Variants in PROS1 observed in about 807,000 individuals in gnomAD.
The protein encoded by PROS1 is protein S, also known as vitamin K-dependent protein S.
Under a neutral mutation model 75.9 loss-of-function variants are expected in PROS1, and 29 were observed. The observed-to-expected ratio is 0.38, with a 90% CI of 0.28 to 0.52. PROS1 has a LOEUF of 0.52. PROS1 is among the 20% of genes least tolerant of loss of function. The probability of loss-of-function intolerance (pLI) is 0.83; values close to 1 mark genes in which losing one functional copy is unlikely to be tolerated. For synonymous variants in PROS1, 245 were observed against 280.6 expected, an observed-to-expected ratio of 0.87 and a Z score of 1.27; for missense variants, 680 against 810.3, an observed-to-expected ratio of 0.84 and a Z score of 1.95.
In PROS1 at chr3:93,935,172, T is replaced by C. The variant is rs1240877622; in HGVS notation, c.77-7765A>G. Among the ~76,000 whole-genome samples, 3 of 152,302 alleles carry C rather than the reference T, an allele frequency of 2.0e-5. No individual in the cohort carries two copies. The East Asian group carries it at 5.8e-4, about 29-fold the overall frequency. ...TGCTTCATTGAAGGGATTCAAGAGC[T>C]CAGATGTTGGCAAGGATAAAGAAGG... is the stretch of plus-strand genomic sequence containing the variant. On this transcript the variant is annotated intron_variant, in intron 1 of 14. Transcript: ENST00000394236.
chr3:93,967,014 G>A (rs958014305), intron 1 of PROS1, among the ~76,000 whole-genome samples: 30 of 152,122 alleles, frequency 2.0e-4, no homozygotes, highest in African/African-American at 7.0e-4. Context: ...ATGGCTTTCG[G>A]GTTGCCCCCA....
chr3:93,971,929 T>G (rs1212858877), intron 1 of PROS1, among the ~76,000 whole-genome samples: 2 of 152,212 alleles, frequency 1.3e-5, no homozygotes, highest in Non-Finnish European at 1.5e-5. Context: ...TCAAAAACTT[T>G]TAACTGAAAG....
chr3:93,884,076 G>A (rs1708311451), intron 12 of PROS1, among the ~76,000 whole-genome samples: 1 of 152,166 alleles, frequency 6.6e-6, no homozygotes, highest in African/African-American at 2.4e-5. Context: ...TAAGAGCCTA[G>A]CAAAAGAAAT....
chr3:93,918,110 C>T (rs973803916), intron 3 of PROS1, among the ~76,000 whole-genome samples: 4 of 151,800 alleles, frequency 2.6e-5, no homozygotes, highest in Non-Finnish European at 5.9e-5. Context: ...CGCACCAATC[C>T]GCACTCTGTA....
At chr3:93,955,861 G>A (rs1297164521) in intron 1 of PROS1, among the ~76,000 whole-genome samples, 2 of 152,086 alleles carry the variant, frequency 1.3e-5, no homozygotes, top group Admixed American at 6.6e-5. Context: ...TTTTAAGTTG[G>A]CTATATCTAC....
chr3:93,909,174 A>C (rs1003485089), intron 4 of PROS1, among the ~76,000 whole-genome samples: 5 of 152,182 alleles, frequency 3.3e-5, no homozygotes, highest in African/African-American at 4.8e-5. Context: ...ATGGTGTTTC[A>C]TGCCTGTAAT....
At chr3:93,969,749 C>CTCCT (rs1709846676) in intron 1 of PROS1, among the ~76,000 whole-genome samples, 1 of 152,160 alleles carries the variant, frequency 6.6e-6, no homozygotes, top group African/African-American at 2.4e-5. Context: ...TATTTAACTG[C>CTCCT]TCCTTCCTTC....
chr3:93,875,130 G>A (rs1401605867), intron 14 of PROS1, among the ~76,000 whole-genome samples: 3 of 151,920 alleles, frequency 2.0e-5, no homozygotes, highest in African/African-American at 4.8e-5. Flanking sequence ...TACTATGACT[G>A]TGAGCTCATA....
chr3:93,907,085 C>G (rs1708687572), intron 4 of PROS1, among the ~76,000 whole-genome samples: 1 of 152,222 alleles, frequency 6.6e-6, no homozygotes, highest in Admixed American at 6.5e-5. Flanking sequence ...GTCCCACCTT[C>G]AGGCTGGGGA....
chr3:93,892,531 G>C (rs1708445527), intron 10 of PROS1, among the ~76,000 whole-genome samples: 2 of 149,968 alleles, frequency 1.3e-5, no homozygotes, highest in South Asian at 4.2e-4. Context: ...GGCCAAAACA[G>C]GAGAATCACT....
At chr3:93,878,918 C>G (rs1708231347) in intron 13 of PROS1, among the ~76,000 whole-genome samples, 1 of 152,070 alleles carries the variant, frequency 6.6e-6, no homozygotes, top group Non-Finnish European at 1.5e-5. Flanking sequence ...GGTATAGATG[C>G]AGTAGGTTTT....
rs1317591457 is a variant in PROS1, at chr3:93,892,951, A to T, written c.1137T>A (p.Asn379Lys). Residue 379 changes from asparagine to lysine, a missense_variant, in exon 10 of 15, where the codon AAT becomes AAA. Coordinates refer to ENST00000394236, the MANE Select transcript of PROS1 (RefSeq NM_000313.4). ...SKITTGGDVI[N>K]NGLWNMVSVE... ...AACGTACCATATTCCATAGACCATT[A>T]TTAATAACATCACCTCCAGTTGTGA... 6.2e-7 allele frequency: 1 copy of T among 1,611,920 alleles called. No homozygotes were observed. Among genetic ancestry groups the T allele is most frequent in the African/African-American group, 1.3e-5 (1 of 74,866 alleles).
intron 6 of PROS1, 68 bp from the exon 7 acceptor site, chr3:93,900,997 G>T: frequency 6.5e-7 from 1 of 1,544,066 alleles, no homozygotes; most frequent in Non-Finnish European, 8.8e-7. Flanking sequence ...AAGAACCCTT[G>T]ATTTGTGTTT....
At chr3:93,935,671 G>A (rs1224459894) in intron 1 of PROS1, among the ~76,000 whole-genome samples, 1 of 152,030 alleles carries the variant, frequency 6.6e-6, no homozygotes. Context: ...TTGACTCTTA[G>A]GATATAATTT....
intron 3 of PROS1, 40 bp from the exon 4 acceptor site, chr3:93,910,745 C>G (rs765767539): frequency 6.7e-7 from 1 of 1,497,590 alleles, no homozygotes; most frequent in African/African-American, 1.4e-5. Context: ...AGAGTAGACA[C>G]ACATACTTGA....
At chr3:93,893,151 A>C in intron 9 of PROS1, 29 bp from the exon 10 acceptor site, 1 of 1,575,102 alleles carries the variant, frequency 6.3e-7, no homozygotes, top group Non-Finnish European at 8.7e-7. Context: ...GAGATCCTTA[A>C]GAGTAAGAAA....
At chr3:93,959,176 A>G (rs1709659609) in intron 1 of PROS1, among the ~76,000 whole-genome samples, 1 of 152,068 alleles carries the variant, frequency 6.6e-6, no homozygotes, top group African/African-American at 2.4e-5. Flanking sequence ...TTAGCTGGGC[A>G]TGGTAGCTCA....
chr3:93,914,840 C>T (rs900441343), intron 3 of PROS1, among the ~76,000 whole-genome samples: 2 of 152,114 alleles, frequency 1.3e-5, no homozygotes, highest in African/African-American at 4.8e-5. Flanking sequence ...ACCAGTTCTC[C>T]GAAGTCCCCA....
chr3:93,939,519 C>T (rs1431975235), intron 1 of PROS1, among the ~76,000 whole-genome samples: 1 of 152,136 alleles, frequency 6.6e-6, no homozygotes, highest in Admixed American at 6.5e-5. Context: ...CCTTCTATCA[C>T]CTCCCTTCCT....
Sources: allele counts gnomAD v4.1 joint callset (sites outside exome capture counted in the v4.1 genomes callset), GRCh38; gene constraint gnomAD v4.1.1; transcripts MANE v1.5; gene names NCBI Gene and HGNC (gene_info 2026-07-23, HGNC 2026-07-21).